Variants in DNAH14 observed in about 807,000 individuals in gnomAD.
The protein encoded by DNAH14 is axonemal beta dynein heavy chain 14.
In DNAH14, 478 loss-of-function variants were observed where a neutral mutation model predicts 520.9. The observed-to-expected ratio is 0.92, with a 90% CI of 0.85 to 0.99. The LOEUF (loss-of-function observed/expected upper bound fraction) is 0.99. DNAH14 is among the 50% of genes least tolerant of loss of function. DNAH14 has a pLI of 0.00. For synonymous variants in DNAH14, 1,581 were observed against 1,757.2 expected (o/e 0.90, Z 2.51); for missense variants, 4,831 against 5,234.5 (o/e 0.92, Z 2.38).
In DNAH14 at chr1:224,952,234, G is replaced by A. The variant is rs572249389; in HGVS notation, c.-33-436G>A. On this transcript the variant is annotated intron_variant, in intron 1 of 85. Coordinates refer to ENST00000682510, the MANE Select transcript of DNAH14 (RefSeq NM_001367479.1). The stretch of plus-strand genomic sequence containing the variant: ...TTCTATTCTATTCTGTCTGAAGAAC[G>A]CTAGTAGTATATGGATGTGGCCTTT... Among the ~76,000 whole-genome samples, 4 of 152,220 alleles carry A rather than the reference G, an allele frequency of 2.6e-5. No homozygotes were observed. The East Asian group carries it at 7.7e-4, about 29-fold the overall frequency.
chr1:225,090,081 A>G (rs1250716950), intron 21 of DNAH14, among the ~76,000 whole-genome samples: 1 of 152,212 alleles, frequency 6.6e-6, no homozygotes, highest in Admixed American at 6.5e-5. Flanking sequence ...TACAAACTAA[A>G]TAAAACTTAT....
rs1221016289 is a variant in DNAH14 at position 225,340,669 on chromosome 1, A to G, written c.10646A>G (p.Glu3549Gly). The change falls in exon 69 of 86, where the codon GAA becomes GGA. Residue 3549 changes from glutamate (E) to glycine (G), a missense_variant. Coordinates refer to ENST00000682510, the MANE Select transcript of DNAH14 (RefSeq NM_001367479.1). ...GCCATAACTCTTGAAGAACTAGAGG[A>G]AAAAACATTAAATTTACTGCAGAAA... ...LDAITLEELE[E>G]KTLNLLQKAL... The G allele has an allele frequency of 1.5e-5, 23 of 1,551,270 alleles. No individual in the cohort carries two copies. Among genetic ancestry groups the G allele is most frequent in the Non-Finnish European group, 1.8e-5 (21 of 1,146,844 alleles).
chr1:225,069,180 A>G (rs1371564478), intron 17 of DNAH14, among the ~76,000 whole-genome samples: 1 of 151,570 alleles, frequency 6.6e-6, no homozygotes, highest in African/African-American at 2.4e-5. Context: ...TTGACTTCAT[A>G]TGTGGATGCC....
chr1:225,118,670 G>A (rs1446773467), intron 25 of DNAH14, among the ~76,000 whole-genome samples: 1 of 152,070 alleles, frequency 6.6e-6, no homozygotes, highest in East Asian at 1.9e-4. Context: ...ATTACCCAAG[G>A]TCAGGAGTTT....
At chr1:224,987,783 T>C (rs1023443901) in intron 8 of DNAH14, among the ~76,000 whole-genome samples, 4 of 152,076 alleles carry the variant, frequency 2.6e-5, no homozygotes, top group Non-Finnish European at 4.4e-5. Flanking sequence ...CCCGCCACCA[T>C]GCCCAGCTAA....
At chr1:225,323,470 T>G (rs199988635) in intron 62 of DNAH14, among the ~76,000 whole-genome samples, 3 of 130,226 alleles carry the variant, frequency 2.3e-5, no homozygotes, top group African/African-American at 7.5e-5. Flanking sequence ...TTTGTTTTGT[T>G]TTTTGTTTTT....
chr1:224,958,955 A>G (rs1010797080), intron 3 of DNAH14, among the ~76,000 whole-genome samples: 9 of 152,064 alleles, frequency 5.9e-5, no homozygotes, highest in Admixed American at 2.0e-4. Flanking sequence ...TTAAAGAAAG[A>G]GGGCAAGTTG....
Position 225,185,435 on chromosome 1 carries a change from C to A in DNAH14, c.5670+10C>A. On this transcript the variant is annotated intron_variant, in intron 37 of 85. Coordinates refer to ENST00000682510, the MANE Select transcript of DNAH14 (RefSeq NM_001367479.1). The stretch of plus-strand genomic sequence containing the variant: ...AAAATCTGCTTCAAAGGTAAATGTT[C>A]TGTTAAATAAAATGTTTCTCTATTT... 1 of 1,519,036 alleles carries A rather than the reference C, an allele frequency of 6.6e-7. No individual in the cohort carries two copies. The highest frequency in any genetic ancestry group is 8.8e-7 in the Non-Finnish European group (1 of 1,135,786). 94.1% of individuals were successfully genotyped at this position (1,519,036 alleles called of 1,614,324 possible). A position where few individuals can be genotyped will look rare whatever the true frequency, so the allele number is the denominator to read the frequency against.
At chr1:224,971,592 G>C (rs568017909) in intron 7 of DNAH14, among the ~76,000 whole-genome samples, 59 of 152,254 alleles carry the variant, frequency 3.9e-4, no homozygotes, top group Non-Finnish European at 7.2e-4. Context: ...ATAAAACAGA[G>C]AACTAGAGAC....
chr1:225,182,612 C>G (rs1211211851), intron 36 of DNAH14, among the ~76,000 whole-genome samples: 1 of 152,154 alleles, frequency 6.6e-6, no homozygotes, highest in African/African-American at 2.4e-5. Flanking sequence ...TACACTAGCC[C>G]TACCCCAACC....
intron 49 of DNAH14, among the ~76,000 whole-genome samples, chr1:225,268,004 T>C (rs368635203): frequency 2.0e-5 from 3 of 152,066 alleles, no homozygotes; most frequent in African/African-American, 7.2e-5. Flanking sequence ...GTAGGTCTTT[T>C]ATGGGATTGC....
intron 35 of DNAH14, among the ~76,000 whole-genome samples, chr1:225,160,081 T>G (rs1022406997): frequency 5.3e-5 from 8 of 152,198 alleles, no homozygotes; most frequent in Admixed American, 3.3e-4. Flanking sequence ...GTTGGCTTAA[T>G]GTTGTCTGCA....
intron 8 of DNAH14, among the ~76,000 whole-genome samples, chr1:224,986,318 TAA>T (rs59261709): frequency 1.3e-4 from 11 of 87,864 alleles, no homozygotes; most frequent in East Asian, 3.2e-4. Flanking sequence ...AAAGGCTTAT[TAA>T]AAAAAAAAAA....
In DNAH14 at chr1:225,044,152, A is replaced by T. The variant is rs565292679; in HGVS notation, c.1912+169A>T. Among the ~76,000 whole-genome samples the T allele has an allele frequency of 7.9e-5, 12 of 152,302 alleles. 1 individual carries two copies. The South Asian group carries it at 2.3e-3, about 29-fold the overall frequency. On this transcript the variant is annotated intron_variant, in intron 15 of 85. Coordinates refer to ENST00000682510, the MANE Select transcript of DNAH14 (RefSeq NM_001367479.1). ...ACACTGAATTTGGAATTATTTGAGG[A>T]TGTGTGAATTTTACACATGGCCTTA...
intron 1 of DNAH14, among the ~76,000 whole-genome samples, chr1:224,930,800 G>C (rs1571820191): frequency 6.6e-6 from 1 of 152,060 alleles, no homozygotes; most frequent in South Asian, 2.1e-4. Context: ...GGGCTTCACC[G>C]TGTTAGCCAG....
intron 38 of DNAH14, 38 bp downstream of exon 38, chr1:225,192,949 A>G: frequency 7.0e-7 from 1 of 1,430,910 alleles, no homozygotes; most frequent in Non-Finnish European, 9.5e-7. Context: ...TATTTAACTA[A>G]TGTGGATTAT....
chr1:225,171,548 C>T (rs1559171690), intron 36 of DNAH14, among the ~76,000 whole-genome samples: 1 of 152,158 alleles, frequency 6.6e-6, no homozygotes, highest in Non-Finnish European at 1.5e-5. Context: ...TCGACACATA[C>T]ACCCTCCCAA....
chr1:225,340,099 A>G (rs993673612), intron 68 of DNAH14, among the ~76,000 whole-genome samples: 9 of 152,168 alleles, frequency 5.9e-5, no homozygotes, highest in African/African-American at 2.2e-4. Flanking sequence ...CTGATTTAAA[A>G]AGACCATGTC....
At chr1:225,031,357 G>A (rs2066509016) in intron 11 of DNAH14, among the ~76,000 whole-genome samples, 1 of 152,010 alleles carries the variant, frequency 6.6e-6, no homozygotes, top group East Asian at 1.9e-4. Context: ...TTATAAATTA[G>A]TTTTGTTGGA....
Sources: allele counts gnomAD v4.1 joint callset (sites outside exome capture counted in the v4.1 genomes callset), GRCh38; gene constraint gnomAD v4.1.1; transcripts MANE v1.5; gene names NCBI Gene and HGNC (gene_info 2026-07-23, HGNC 2026-07-21).